Variants in CDH12 observed in about 807,000 individuals in gnomAD.
CDH12 encodes the protein cadherin-12.
In CDH12, 41 loss-of-function variants were observed where a neutral mutation model predicts 74.1. That is an observed-to-expected ratio of 0.55 (90% CI 0.43 to 0.72). The LOEUF is 0.72. Ranked by LOEUF, CDH12 falls within the 30% of genes least tolerant of loss-of-function variation. The probability of loss-of-function intolerance (pLI) is 0.00; values close to 1 mark genes in which losing one functional copy is unlikely to be tolerated. For missense variants in CDH12, 945 were observed against 977.2 expected, an observed-to-expected ratio of 0.97 and a Z score of 0.44; for synonymous variants, 399 against 355.0, an observed-to-expected ratio of 1.12 and a Z score of -1.39.
intron 6 of CDH12, among the ~76,000 whole-genome samples, chr5:21,935,930 T>G (rs1476967322): frequency 2.0e-5 from 3 of 152,234 alleles, no homozygotes; most frequent in African/African-American, 4.8e-5. Flanking sequence ...GGAACTCATT[T>G]TTTTTTATGG....
At chr5:22,575,810 C>T (rs1341210879) in intron 1 of CDH12, among the ~76,000 whole-genome samples, 2 of 152,134 alleles carry the variant, frequency 1.3e-5, no homozygotes, top group Non-Finnish European at 2.9e-5. Context: ...AGCGATCCGC[C>T]TGCCTCAGCC....
intron 6 of CDH12, among the ~76,000 whole-genome samples, chr5:21,874,003 C>T (rs1035988794): frequency 1.3e-5 from 2 of 152,166 alleles, no homozygotes; most frequent in Non-Finnish European, 2.9e-5. Flanking sequence ...TCCAGTCTAT[C>T]ATTGTTGGGC....
At chr5:22,309,555 C>T (rs1340146605) in intron 3 of CDH12, among the ~76,000 whole-genome samples, 2 of 152,068 alleles carry the variant, frequency 1.3e-5, no homozygotes, top group African/African-American at 2.4e-5. Context: ...ATTAACATTT[C>T]CCTCATCTCA....
In CDH12 at chr5:21,830,912, G is replaced by A. The variant is rs564575066; in HGVS notation, c.814+11249C>T. Reference sequence around the variant, plus strand: ...AAATTAGCCGGGCATGATGGCGGGTGCCTGTAATCCCAGCTACTCGGGAGG... The same window carrying A: ...AAATTAGCCGGGCATGATGGCGGGTACCTGTAATCCCAGCTACTCGGGAGG... On this transcript the variant is annotated intron_variant, in intron 8 of 14. Coordinates refer to ENST00000382254, the MANE Select transcript of CDH12 (RefSeq NM_004061.5). Among the ~76,000 whole-genome samples, 67 of 152,010 alleles carry A rather than the reference G, an allele frequency of 4.4e-4. 1 individual carries two copies. Among genetic ancestry groups the A allele is most frequent in the African/African-American group, 1.6e-3 (66 of 41,488 alleles).
chr5:22,426,091 G>A (rs959162408), intron 2 of CDH12, among the ~76,000 whole-genome samples: 26 of 151,404 alleles, frequency 1.7e-4, no homozygotes, highest in Admixed American at 4.6e-4. Flanking sequence ...GGAGGCTGAC[G>A]CAGGAGAATT....
At chr5:22,533,430 A>T (rs1003224849) in intron 1 of CDH12, among the ~76,000 whole-genome samples, 6 of 152,194 alleles carry the variant, frequency 3.9e-5, no homozygotes, top group African/African-American at 1.4e-4. Context: ...AAGAGCAAAA[A>T]TTCTGAGTCA....
chr5:22,805,074 C>A (rs545256652), intron 1 of CDH12, among the ~76,000 whole-genome samples: 11 of 152,156 alleles, frequency 7.2e-5, no homozygotes, highest in African/African-American at 2.6e-4. Flanking sequence ...TTTTGGAAAA[C>A]AATTTAATAT....
intron 10 of CDH12, 129 bp downstream of exon 10, chr5:21,802,038 T>A (rs1276612617): frequency 3.9e-6 from 3 of 777,280 alleles, no homozygotes; most frequent in Non-Finnish European, 6.1e-6. Context: ...AAAGTCATTA[T>A]GTTTTCAAGC....
intron 1 of CDH12, among the ~76,000 whole-genome samples, chr5:22,676,739 A>G (rs1305911147): frequency 1.3e-5 from 2 of 152,184 alleles, no homozygotes; most frequent in Non-Finnish European, 2.9e-5. Flanking sequence ...AAGTTCTACA[A>G]TGGATAAGTG....
At chr5:22,342,289 G>T (rs1580542111) in intron 3 of CDH12, among the ~76,000 whole-genome samples, 1 of 152,178 alleles carries the variant, frequency 6.6e-6, no homozygotes, top group East Asian at 1.9e-4. Context: ...AATGAGGAAA[G>T]TGTTCTCAAT....
At chr5:22,185,199 CT>C (rs10656260) in intron 4 of CDH12, among the ~76,000 whole-genome samples, 120 of 138,082 alleles carry the variant, frequency 8.7e-4, no homozygotes, top group East Asian at 8.5e-4. Flanking sequence ...CTCTCTCTCT[CT>C]TTTTTTTTTT....
At chr5:22,321,142 A>T (rs1738858954) in intron 3 of CDH12, among the ~76,000 whole-genome samples, 1 of 152,154 alleles carries the variant, frequency 6.6e-6, no homozygotes, top group Non-Finnish European at 1.5e-5. Context: ...TTTCAAAAAA[A>T]TAAATTTAAT....
At chr5:22,669,272 T>A (rs1352901776) in intron 1 of CDH12, among the ~76,000 whole-genome samples, 1 of 152,180 alleles carries the variant, frequency 6.6e-6, no homozygotes, top group African/African-American at 2.4e-5. Context: ...ATTGTTTATT[T>A]TCTCATTTGA....
intron 6 of CDH12, chr5:21,882,941 T>A (rs1752435664): frequency 4.4e-6 from 7 of 1,601,800 alleles, no homozygotes; most frequent in Non-Finnish European, 6.0e-6. Flanking sequence ...CCACTGCTAC[T>A]GTACTGGCAG....
intron 4 of CDH12, among the ~76,000 whole-genome samples, chr5:22,113,657 T>G (rs1744936995): frequency 6.6e-6 from 1 of 152,148 alleles, no homozygotes; most frequent in African/African-American, 2.4e-5. Flanking sequence ...GTCTCAGGAC[T>G]TCCTGAGGGC....
chr5:22,388,388 G>C (rs1336899223), intron 3 of CDH12, among the ~76,000 whole-genome samples: 1 of 151,918 alleles, frequency 6.6e-6, no homozygotes, highest in African/African-American at 2.4e-5. Context: ...GGGACAAATA[G>C]AGGTCATATG....
chr5:22,599,122 T>C (rs1736732909), intron 1 of CDH12, among the ~76,000 whole-genome samples: 1 of 152,184 alleles, frequency 6.6e-6, no homozygotes, highest in Admixed American at 6.6e-5. Context: ...CTGCTAGATA[T>C]TGCCAATTGC....
chr5:22,165,725 G>C (rs1748646561), intron 4 of CDH12, among the ~76,000 whole-genome samples: 1 of 152,124 alleles, frequency 6.6e-6, no homozygotes, highest in African/African-American at 2.4e-5. Flanking sequence ...ACAAGATACA[G>C]GTCATAAAGA....
At chr5:22,306,704 T>C (rs1050258581) in intron 3 of CDH12, among the ~76,000 whole-genome samples, 2 of 152,300 alleles carry the variant, frequency 1.3e-5, no homozygotes, top group African/African-American at 4.8e-5. Flanking sequence ...GTCTCATTCA[T>C]ATCTACAAGC....
Sources: allele counts gnomAD v4.1 joint callset (sites outside exome capture counted in the v4.1 genomes callset), GRCh38; gene constraint gnomAD v4.1.1; transcripts MANE v1.5; gene names NCBI Gene and HGNC (gene_info 2026-07-23, HGNC 2026-07-21).